APOH: variants seen among roughly 807,000 people sequenced by gnomAD.
The protein encoded by APOH is apolipoprotein H, also known as beta-2-glycoprotein 1.
Under a neutral mutation model 39.8 loss-of-function variants are expected in APOH, and 48 were observed. The ratio of observed to expected loss-of-function variants is 1.21; its 90% CI spans 0.96 to 1.54. The LOEUF (loss-of-function observed/expected upper bound fraction) is 1.54. Among genes scored for constraint, APOH ranks in the 40% most tolerant of loss-of-function variants. APOH has a pLI of 0.00. For synonymous variants in APOH, 153 were observed against 151.1 expected, an observed-to-expected ratio of 1.01 and a Z score of -0.09; for missense variants, 415 against 421.2, an observed-to-expected ratio of 0.99 and a Z score of 0.13.
intron 5 of APOH, among the ~76,000 whole-genome samples, chr17:66,218,630 A>G (rs1336562896): frequency 6.6e-6 from 1 of 152,204 alleles, no homozygotes; most frequent in African/African-American, 2.4e-5. Context: ...TAAATAACCA[A>G]TCAAGTTCAG....
At chr17:66,226,869 C>A (rs2073442796) in intron 2 of APOH, among the ~76,000 whole-genome samples, 1 of 150,084 alleles carries the variant, frequency 6.7e-6, no homozygotes, top group African/African-American at 2.5e-5. Flanking sequence ...AGAGTTATAG[C>A]TGATTTTTAT....
chr17:66,213,838 T>C (rs1277498644), intron 7 of APOH, among the ~76,000 whole-genome samples: 1 of 151,824 alleles, frequency 6.6e-6, no homozygotes, highest in East Asian at 1.9e-4. Context: ...CTCAGAAGGC[T>C]GAGGTGAAAG....
In APOH at chr17:66,217,015, C is replaced by G. The variant is rs8178931; in HGVS notation, c.605-48G>C. ...CATATTAGTAATAAATAGTGCTATC[C>G]AATAGTCATGAAATAGTTACATCCT... On this transcript the variant is annotated intron_variant, in intron 5 of 7. Transcript: ENST00000205948. 5.1e-3 allele frequency: 7,322 copies of G among 1,429,158 alleles called. 310 individuals carry two copies. The African/African-American group carries it at 0.093, about 18-fold the overall frequency. 88.5% of individuals were successfully genotyped at this position (1,429,158 alleles called of 1,614,324 possible).
At chr17:66,221,312 G>A (rs1233637173) in intron 4 of APOH, among the ~76,000 whole-genome samples, 34 of 118,692 alleles carry the variant, frequency 2.9e-4, no homozygotes, top group African/African-American at 1.1e-3. Context: ...GAGGGAGGGA[G>A]GGAAGAAAGG....
chr17:66,225,830 C>T (rs2073435878), intron 3 of APOH, among the ~76,000 whole-genome samples, 198 bp downstream of exon 3: 1 of 151,490 alleles, frequency 6.6e-6, no homozygotes, highest in African/African-American at 2.4e-5. Flanking sequence ...TGAGCCGAGA[C>T]TGCACCACTG....
intron 2 of APOH, among the ~76,000 whole-genome samples, 191 bp from the exon 3 acceptor site, chr17:66,226,315 G>A (rs1281454911): frequency 6.6e-6 from 1 of 152,112 alleles, no homozygotes; most frequent in East Asian, 1.9e-4. Context: ...ATGTACAAAA[G>A]CGTTCATTAT....
In APOH at chr17:66,220,694, A is replaced by T; in HGVS notation, c.464T>A (p.Val155Asp). 1 of 1,614,164 alleles carries T rather than the reference A, an allele frequency of 6.2e-7. No homozygotes were observed. Among genetic ancestry groups the T allele is most frequent in the Non-Finnish European group, 8.5e-7 (1 of 1,180,016 alleles). ...PSIPTFATLR[V>D]YKPSAGNNSL... ...ATTGTTTCCAGCTGATGGCTTATAA[A>T]CACGAAGTGTTGCAAACGTAGGTAT... Residue 155 changes from valine to aspartate, a missense_variant, in exon 5 of 8, where the codon GTT becomes GAT. Physicochemically the swap from Val to Asp is radical, Grantham distance 152. Around this residue, in one of 3 missense-constraint regions of APOH, gnomAD observed 288 missense variants for 284.9 expected, o/e 1.01. Transcript: ENST00000205948.
chr17:66,223,811 T>C, intron 3 of APOH, 37 bp from the exon 4 acceptor site: 1 of 1,560,450 alleles, frequency 6.4e-7, no homozygotes, highest in Non-Finnish European at 8.8e-7. Flanking sequence ...AGGAGTAAAA[T>C]AATCCATCAC....
rs2073426440 is a variant in APOH, at chr17:66,224,679, AAGGGAAGGGAAG to A, written c.339-917_339-906del. 1.9e-3 allele frequency among the ~76,000 whole-genome samples: 95 copies of A among 51,026 alleles called. 1 individual carries two copies. Among genetic ancestry groups the A allele is most frequent in the East Asian group, 0.01 (12 of 1,178 alleles). 33.5% of individuals were successfully genotyped at this position (51,026 alleles called of 152,430 possible). On this transcript the variant is annotated intron_variant, in intron 3 of 7. Transcript: ENST00000205948. Reference sequence around the variant, plus strand: ...AAGGGAAGGGAAGGGAAGGGAAGGGAAGGGAAGGGAAGGGAAAGGAAAGGAAAGGAAAGGAAA... The same window carrying A: ...AAGGGAAGGGAAGGGAAGGGAAGGGAGGAAAGGAAAGGAAAGGAAAGGAAA...
intron 5 of APOH, among the ~76,000 whole-genome samples, chr17:66,217,849 A>G (rs574978003): frequency 6.6e-6 from 1 of 152,186 alleles, no homozygotes; most frequent in East Asian, 1.9e-4. Flanking sequence ...AGGCTAAGGC[A>G]GGAGAATCAC....
intron 5 of APOH, among the ~76,000 whole-genome samples, chr17:66,217,224 A>G (rs1418473759): frequency 6.6e-6 from 1 of 152,190 alleles, no homozygotes; most frequent in African/African-American, 2.4e-5. Flanking sequence ...GTTTTCACAT[A>G]TAATCATAAG....
intron 6 of APOH, among the ~76,000 whole-genome samples, chr17:66,215,455 G>T (rs1337767352): frequency 6.6e-6 from 1 of 152,196 alleles, no homozygotes; most frequent in South Asian, 2.1e-4. Flanking sequence ...TTGAGAACCG[G>T]TGCCTTACCC....
intron 2 of APOH, among the ~76,000 whole-genome samples, chr17:66,226,895 A>T (rs866824970): frequency 0.015 from 1,613 of 108,054 alleles, 26 homozygotes; most frequent in African/African-American, 0.049. Flanking sequence ...TTATTTATTT[A>T]TTTTTTTTTT....
intron 4 of APOH, among the ~76,000 whole-genome samples, chr17:66,222,410 C>T (rs1189637009): frequency 1.3e-5 from 2 of 151,992 alleles, no homozygotes; most frequent in Non-Finnish European, 1.5e-5. Context: ...TTTACATAAT[C>T]GGTATAAATC....
chr17:66,220,426 G>T, intron 5 of APOH, 128 bp downstream of exon 5: 2 of 858,536 alleles, frequency 2.3e-6, no homozygotes, highest in Non-Finnish European at 3.7e-6. Flanking sequence ...CTGGCACATG[G>T]TAGATGCTCA....
intron 5 of APOH, among the ~76,000 whole-genome samples, chr17:66,220,046 C>A (rs2073387990): frequency 6.6e-6 from 1 of 152,154 alleles, no homozygotes; most frequent in Admixed American, 6.5e-5. Flanking sequence ...TCTTAAAAAT[C>A]AAATATTTCT....
chr17:66,212,772 G>C (rs2073343754), intron 7 of APOH, among the ~76,000 whole-genome samples: 1 of 152,140 alleles, frequency 6.6e-6, no homozygotes, highest in Admixed American at 6.6e-5. Flanking sequence ...AAACAGTATC[G>C]GCCCTTTACA....
At position 66,220,576 on chromosome 17, in the gene APOH, C is replaced by G. The variant is rs767671022; in HGVS notation, c.582G>C (p.Trp194Cys). 7.4e-6 allele frequency: 12 copies of G among 1,613,938 alleles called. No homozygotes were observed. The highest frequency in any genetic ancestry group is 1.0e-5 in the Non-Finnish European group (12 of 1,179,972). The stretch of plus-strand genomic sequence containing the variant: ...TACCCCTGCATTCTGGTAATTTAGT[C>G]CAATTTCCATGTGTCGTGCAGGTAA... ...DTITCTTHGNWTKLPECREVK... is the reference protein window; with the variant it reads ...DTITCTTHGNCTKLPECREVK... Residue 194 changes from tryptophan to cysteine, a missense_variant, in exon 5 of 8, where the codon TGG becomes TGC. Transcript: ENST00000205948.
intron 5 of APOH, among the ~76,000 whole-genome samples, chr17:66,220,018 G>T (rs1056847334): frequency 1.3e-5 from 2 of 152,174 alleles, no homozygotes; most frequent in African/African-American, 2.4e-5. Context: ...AGTTAGAGAC[G>T]AAATAATTTT....
Sources: allele counts gnomAD v4.1 joint callset (sites outside exome capture counted in the v4.1 genomes callset), GRCh38; gene constraint gnomAD v4.1.1; regional missense constraint gnomAD v4.1.1; transcripts MANE v1.5; gene names NCBI Gene and HGNC (gene_info 2026-07-23, HGNC 2026-07-21).